Variants in GNAS observed in about 807,000 individuals in gnomAD.
GNAS encodes the protein GNAS complex locus.
In GNAS, 8 loss-of-function variants were observed where a neutral mutation model predicts 54.5. The observed-to-expected ratio is 0.15, with a 90% CI of 0.09 to 0.26. GNAS has a LOEUF of 0.26. GNAS is among the 10% of genes least tolerant of loss of function. The pLI, the probability that GNAS is intolerant of heterozygous loss-of-function variation, is 1.00. For missense variants in GNAS, 170 were observed against 529.8 expected (o/e 0.32, Z 6.67); for synonymous variants, 204 against 191.4 (o/e 1.07, Z -0.54).
chr20:58,908,335 GA>G (rs2091218253), intron 6 of GNAS, among the ~76,000 whole-genome samples: 1 of 152,052 alleles, frequency 6.6e-6, no homozygotes, highest in Non-Finnish European at 1.5e-5. Flanking sequence ...TTTTTTTAAT[GA>G]AAAGCGTAAT....
chr20:58,855,455 G>T, intron 1 of GNAS: 1 of 923,980 alleles, frequency 1.1e-6, no homozygotes, highest in Non-Finnish European at 1.7e-6. Flanking sequence ...CCAAAGGCGG[G>T]AAGAACTTGC....
chr20:58,855,844 GTCCCCTGT>G (rs1307583378), intron 1 of GNAS: 13 of 585,852 alleles, frequency 2.2e-5, no homozygotes, highest in Non-Finnish European at 3.6e-5. Context: ...ACGCTGAAGT[GTCCCCTGT>G]TCCTATCCCG....
chr20:58,840,018 C>G, upstream of GNAS: 2 of 1,477,534 alleles, frequency 1.4e-6, no homozygotes, highest in Non-Finnish European at 1.9e-6. The surrounding 1 kb of genome is among the most constrained non-coding windows in gnomAD (Gnocchi z 6.0). Context: ...ATAGGGTGTA[C>G]CTTTCCCGGC....
chr20:58,903,410 G>C (rs1378036102), intron 3 of GNAS, 121 bp from the exon 4 acceptor site: 10 of 877,456 alleles, frequency 1.1e-5, no homozygotes, highest in Admixed American at 2.0e-5. Flanking sequence ...GCACAGATCC[G>C]AACCCACAAC....
rs2085857548 is a variant in GNAS at position 58,844,297 on chromosome 20, G to A, written c.43+3411G>A. On this transcript the variant is annotated intron_variant, in intron 1 of 12. Transcript: ENST00000306090. ...TAAGCTTCCAGGCCAGTGATGTCAT[G>A]TGCTGGCTCAACTGCTGCTCTTCTC... 3.9e-5 allele frequency among the ~76,000 whole-genome samples: 6 copies of A among 152,312 alleles called. 1 individual carries two copies. In the South Asian group the frequency reaches 1.2e-3, roughly 32 times the overall value.
chr20:58,881,185 G>A (rs2088198369), intron 1 of GNAS, among the ~76,000 whole-genome samples: 1 of 152,164 alleles, frequency 6.6e-6, no homozygotes, highest in African/African-American at 2.4e-5. Context: ...GTTCTTGAGC[G>A]CCTCCCAGAG....
upstream of GNAS, among the ~76,000 whole-genome samples, chr20:58,890,153 G>A (rs1364648391): frequency 2.0e-5 from 3 of 151,902 alleles, no homozygotes; most frequent in African/African-American, 4.8e-5. Flanking sequence ...GGCGAAAGGA[G>A]GAGAAGAAGA....
rs777917817 is a variant in GNAS at position 58,853,942 on chromosome 20, T to C, written c.43+13056T>C. The C allele has an allele frequency of 2.1e-5, 34 of 1,611,760 alleles. No homozygotes were observed. Among genetic ancestry groups the C allele is most frequent in the Admixed American group, 1.3e-4 (8 of 59,908 alleles). On this transcript the variant is annotated intron_variant, in intron 1 of 12. Coordinates refer to the GNAS transcript ENST00000306090. This position sits in a 1 kb window ranked among gnomAD's most constrained non-coding sequence, Gnocchi z 4.4. ...CCTCCCCCTGAGGAGACTATGCCATTTGAGCTTGATGGAGAAGGATTTGGG... is the reference window on the plus strand; with the variant it reads ...CCTCCCCCTGAGGAGACTATGCCATCTGAGCTTGATGGAGAAGGATTTGGG...
intron 1 of GNAS, chr20:58,855,020 C>G (rs535297464): frequency 5.0e-6 from 8 of 1,612,872 alleles, no homozygotes; most frequent in African/African-American, 4.0e-5. Context: ...ACGATGGGAC[C>G]TCCGGATGCC....
In GNAS at chr20:58,880,690, A is replaced by AT. The variant is rs373912372; in HGVS notation, c.44-14916dup. On this transcript the variant is annotated intron_variant, in intron 1 of 12. Transcript: ENST00000306090. ...GGGGTTTTCATGCTGCTAGTTGTGT[A>AT]TTTTTTCCCTTGCATTTGCATATTT... Among the ~76,000 whole-genome samples, 404 of 151,094 alleles carry AT rather than the reference A, an allele frequency of 2.7e-3. 4 individuals are homozygous for AT. Among genetic ancestry groups the AT allele is most frequent in the African/African-American group, 9.4e-3 (386 of 41,196 alleles).
At chr20:58,899,458 G>A (rs764163949) in intron 3 of GNAS, 1 of 536,820 alleles carries the variant, frequency 1.9e-6, no homozygotes, top group South Asian at 1.4e-5. Context: ...TTTGAAAAAC[G>A]CCTTGGTACC....
intron 1 of GNAS, among the ~76,000 whole-genome samples, chr20:58,880,433 G>A (rs533193367): frequency 1.6e-4 from 24 of 152,194 alleles, no homozygotes; most frequent in African/African-American, 3.1e-4. Flanking sequence ...ACCACATACC[G>A]AGAATTTCAG....
At chr20:58,846,877 C>G (rs1252024542) in intron 1 of GNAS, among the ~76,000 whole-genome samples, 1 of 152,192 alleles carries the variant, frequency 6.6e-6, no homozygotes, top group Non-Finnish European at 1.5e-5. Context: ...AAATTTTAAG[C>G]AGAGCTTCCA....
chr20:58,904,849 C>T (rs1258403243), intron 5 of GNAS, among the ~76,000 whole-genome samples: 4 of 152,136 alleles, frequency 2.6e-5, no homozygotes, highest in Admixed American at 2.0e-4. Context: ...AAGGAAACAG[C>T]AGCCTATTAA....
chr20:58,892,837 C>T (rs1246482787), intron 1 of GNAS, among the ~76,000 whole-genome samples: 1 of 151,766 alleles, frequency 6.6e-6, no homozygotes, highest in African/African-American at 2.4e-5. Flanking sequence ...CAGGCTTTTT[C>T]AAAAGCAGAG....
chr20:58,841,856 A>G lies in GNAS; in HGVS notation c.43+970A>G. 8.1e-7 allele frequency: 1 copy of G among 1,231,084 alleles called. No homozygotes were observed. The allele number at this position is 1,231,084 out of a possible 1,614,324, so 76.3% of individuals were successfully genotyped here. A position where few individuals can be genotyped will look rare whatever the true frequency, so the allele number is the denominator to read the frequency against. ...TGCGCAGGACCTCTGGAGGCCCTCG[A>G]GATCGTCGCAAGTGGAAAGGTAAAG... On this transcript the variant is annotated intron_variant, in intron 1 of 12. Coordinates refer to the GNAS transcript ENST00000306090. The surrounding 1 kb of genome is among the most constrained non-coding windows in gnomAD (Gnocchi z 5.0).
In GNAS at chr20:58,911,128, G is replaced by GAAAT; in HGVS notation, c.*305_*308dup. The GAAAT allele has an allele frequency of 1.8e-6, 1 of 551,850 alleles. No homozygotes were observed. Among genetic ancestry groups the GAAAT allele is most frequent in the Non-Finnish European group, 3.4e-6 (1 of 297,998 alleles). The allele number at this position is 551,850 out of a possible 1,614,324, so 34.2% of individuals were successfully genotyped here. On this transcript the variant is annotated 3_prime_UTR_variant, in exon 13 of 13. Transcript: ENST00000371085. The stretch of plus-strand genomic sequence containing the variant: ...ATAAAATGAAATAAAAGAAACAAAT[G>GAAAT]AAATAAATATTGTGTTGTGCAGCAT...
chr20:58,878,267 C>T (rs1032495687), intron 1 of GNAS, among the ~76,000 whole-genome samples: 2 of 152,332 alleles, frequency 1.3e-5, no homozygotes, highest in South Asian at 2.1e-4. Context: ...CATCGGGCCC[C>T]GGCCCCAGGA....
chr20:58,899,788 C>G (rs888505862), intron 3 of GNAS, among the ~76,000 whole-genome samples: 9 of 152,044 alleles, frequency 5.9e-5, no homozygotes, highest in Non-Finnish European at 4.4e-5. Flanking sequence ...ATTTAGCATG[C>G]AGTGGTGGAG....
Sources: allele counts gnomAD v4.1 joint callset (sites outside exome capture counted in the v4.1 genomes callset), GRCh38; gene constraint gnomAD v4.1.1; non-coding constraint Gnocchi (gnomAD v3.1); transcripts MANE v1.5; gene names NCBI Gene and HGNC (gene_info 2026-07-23, HGNC 2026-07-21).